The following OPCML variants were observed in gnomAD, a reference collection of about 807,000 sequenced individuals.
The protein encoded by OPCML is opioid binding protein/cell adhesion molecule like, also known as opioid-binding protein/cell adhesion molecule.
A neutral mutation model predicts 37.8 loss-of-function variants in OPCML; 13 were observed. The observed-to-expected ratio is 0.34, with a 90% CI of 0.22 to 0.55. The LOEUF is 0.55. Ranked by LOEUF, OPCML falls within the 20% of genes least tolerant of loss-of-function variation. The pLI, the probability that OPCML is intolerant of heterozygous loss-of-function variation, is 0.91. For missense variants in OPCML, 341 were observed against 435.6 expected (o/e 0.78, Z 1.93); for synonymous variants, 176 against 168.8 (o/e 1.04, Z -0.33).
chr11:132,616,341 T>C (rs1486899602), intron 3 of OPCML, among the ~76,000 whole-genome samples: 2 of 152,190 alleles, frequency 1.3e-5, no homozygotes, highest in African/African-American at 4.8e-5. Context: ...ATTAAATTCT[T>C]CCCAAAGTTA....
In OPCML at chr11:132,438,728, G is replaced by T. The variant is rs138987812; in HGVS notation, c.506-1369C>A. On this transcript the variant is annotated intron_variant, in intron 4 of 7. Transcript: ENST00000524381. ...GTGTAGGGTGTGCAGCAGGAAGGTG[G>T]AGGAGGTGGGCTAGTGTGTAGTGTG... is the stretch of plus-strand genomic sequence containing the variant. Among the ~76,000 whole-genome samples, 33 of 151,984 alleles carry T rather than the reference G, an allele frequency of 2.2e-4. No individual in the cohort carries two copies. In the East Asian group the frequency reaches 5.6e-3, roughly 26 times the overall value.
At chr11:132,509,848 C>A (rs1475294790) in intron 4 of OPCML, among the ~76,000 whole-genome samples, 1 of 152,188 alleles carries the variant, frequency 6.6e-6, no homozygotes, top group Non-Finnish European at 1.5e-5. Context: ...GTGGGAGCTC[C>A]CACCTAGAGT....
chr11:132,471,981 C>A (rs2096139409), intron 4 of OPCML, among the ~76,000 whole-genome samples: 1 of 152,128 alleles, frequency 6.6e-6, no homozygotes, highest in Non-Finnish European at 1.5e-5. Context: ...TAGCAGCAGG[C>A]CTACATCATG....
At chr11:132,694,177 G>GTTTTTTTTTTTTTTTTTTTTTT (rs1565781232) in intron 2 of OPCML, among the ~76,000 whole-genome samples, 1 of 63,922 alleles carries the variant, frequency 1.6e-5, no homozygotes, top group African/African-American at 5.9e-5. Flanking sequence ...TGAAATCAAT[G>GTTTTTTTTTTTTTTTTTTTTTT]TCTTTTTTTT....
At chr11:132,519,939 G>A (rs1180619221) in intron 4 of OPCML, among the ~76,000 whole-genome samples, 1 of 152,148 alleles carries the variant, frequency 6.6e-6, no homozygotes, top group Non-Finnish European at 1.5e-5. Flanking sequence ...TACCTGGGAT[G>A]GCTTAGAAGA....
intron 1 of OPCML, among the ~76,000 whole-genome samples, chr11:133,433,251 C>CA (rs71477795): frequency 0.34 from 30,755 of 90,516 alleles, 4,890 homozygotes; most frequent in African/African-American, 0.45. Flanking sequence ...GACTCCGTCT[C>CA]AAAAAAAAAA....
intron 1 of OPCML, among the ~76,000 whole-genome samples, chr11:133,145,444 A>G (rs1160214144): frequency 1.3e-5 from 2 of 152,200 alleles, no homozygotes; most frequent in Non-Finnish European, 2.9e-5. Flanking sequence ...TTGGTCAGCA[A>G]GCAAATTAGG....
At chr11:133,150,806 G>A (rs962187745) in intron 1 of OPCML, among the ~76,000 whole-genome samples, 9 of 151,942 alleles carry the variant, frequency 5.9e-5, no homozygotes, top group African/African-American at 2.2e-4. Flanking sequence ...TTCCAGCTCC[G>A]ACACTGCAGA....
intron 1 of OPCML, among the ~76,000 whole-genome samples, chr11:133,142,278 C>A (rs1037925959): frequency 2.6e-5 from 4 of 152,178 alleles, no homozygotes; most frequent in Non-Finnish European, 5.9e-5. Flanking sequence ...TGTAGCTTGG[C>A]ACTCAATGTT....
At chr11:132,497,289 T>C (rs979242786) in intron 4 of OPCML, among the ~76,000 whole-genome samples, 1 of 151,674 alleles carries the variant, frequency 6.6e-6, no homozygotes, top group African/African-American at 2.4e-5. Context: ...GAATAGCTAA[T>C]GGATGCTGGG....
chr11:133,301,547 G>A (rs1942777803), intron 1 of OPCML: 1 of 152,302 alleles, frequency 6.6e-6, no homozygotes, highest in African/African-American at 2.4e-5. Flanking sequence ...TGTTAGGGAT[G>A]AGGACATGTT....
At chr11:132,451,597 C>T (rs1222407808) in intron 4 of OPCML, among the ~76,000 whole-genome samples, 1 of 152,108 alleles carries the variant, frequency 6.6e-6, no homozygotes, top group African/African-American at 2.4e-5. Context: ...CGATTCCATT[C>T]CTGTTTAGGA....
chr11:132,786,403 C>A (rs1006728567), intron 2 of OPCML, among the ~76,000 whole-genome samples: 1 of 152,052 alleles, frequency 6.6e-6, no homozygotes, highest in Non-Finnish European at 1.5e-5. Flanking sequence ...ATATCAATGC[C>A]GTAGATAACT....
At chr11:133,246,376 T>C (rs2083749355) in intron 1 of OPCML, among the ~76,000 whole-genome samples, 2 of 152,336 alleles carry the variant, frequency 1.3e-5, no homozygotes, top group Middle Eastern at 3.4e-3. Context: ...CAGGGTTCTA[T>C]GGAAAAGCAA....
At chr11:132,898,661 G>A (rs1943937466) in intron 2 of OPCML, among the ~76,000 whole-genome samples, 1 of 152,266 alleles carries the variant, frequency 6.6e-6, no homozygotes, top group East Asian at 1.9e-4. Flanking sequence ...ATGGAGTCAG[G>A]AATCACAGAG....
At chr11:132,753,310 G>A (rs1349705358) in intron 2 of OPCML, among the ~76,000 whole-genome samples, 3 of 152,194 alleles carry the variant, frequency 2.0e-5, no homozygotes, top group African/African-American at 7.2e-5. Flanking sequence ...AATTTGAAGT[G>A]TATCTCCCTC....
At chr11:133,402,155 C>A (rs374549094) in intron 1 of OPCML, among the ~76,000 whole-genome samples, 9 of 152,064 alleles carry the variant, frequency 5.9e-5, no homozygotes, top group African/African-American at 2.2e-4. Flanking sequence ...TGGGGGCATG[C>A]ATTTGGTGAG....
At chr11:132,424,068 T>G (rs941599394) in intron 7 of OPCML, among the ~76,000 whole-genome samples, 1 of 152,288 alleles carries the variant, frequency 6.6e-6, no homozygotes, top group African/African-American at 2.4e-5. Flanking sequence ...TATTCATTTA[T>G]TGGTAAAAAT....
At position 132,958,609 on chromosome 11, in the gene OPCML, C is replaced by T. The variant is rs189099664; in HGVS notation, c.62-15599G>A. 1.4e-4 allele frequency among the ~76,000 whole-genome samples: 21 copies of T among 152,258 alleles called. 1 individual carries two copies. Among genetic ancestry groups the T allele is most frequent in the Admixed American group, 7.8e-4 (12 of 15,296 alleles). On this transcript the variant is annotated intron_variant, in intron 1 of 7. Coordinates refer to ENST00000524381, the MANE Select transcript of OPCML (RefSeq NM_001012393.5). ...AAAGCTTAAGGACAGGCTGACTCTC[C>T]GGTTAGGAGCTAATACAGCTGTTGA... is the stretch of plus-strand genomic sequence containing the variant.
Sources: gnomAD v4.1 joint callset for allele counts (sites outside exome capture counted in the v4.1 genomes callset) on GRCh38, gnomAD v4.1.1 for gene constraint, MANE v1.5 for transcripts, NCBI Gene and HGNC (gene_info 2026-07-23, HGNC 2026-07-21) for gene names.